FAM53A: variants seen among roughly 807,000 people sequenced by gnomAD.
FAM53A encodes the protein protein FAM53A.
A neutral mutation model predicts 26.6 loss-of-function variants in FAM53A; 28 were observed. The observed-to-expected ratio is 1.05, with a 90% confidence interval of 0.78 to 1.45. The LOEUF is 1.45. Ranked by LOEUF, FAM53A falls within the 40% of genes most tolerant of loss-of-function variation. The pLI is 0.00. For synonymous variants in FAM53A, 290 were observed against 253.1 expected, an observed-to-expected ratio of 1.15 and a Z score of -1.38; for missense variants, 650 against 575.8, an observed-to-expected ratio of 1.13 and a Z score of -1.32.
chr4:1,683,616 T>G (rs1234197342), intron 1 of FAM53A: 1 of 152,126 alleles, frequency 6.6e-6, no homozygotes, highest in African/African-American at 2.4e-5. Flanking sequence ...TGGTTTGAGT[T>G]TAAAACGAAA....
Position 1,655,265 on chromosome 4 carries a change from C to G in FAM53A, c.595G>C (p.Glu199Gln). ...SASGGFVDSS[E>Q]GSAGSGPLWC... ...AGCGGGCCTGAGCCCGCACTGCCCT[C>G]GCTGCTGTCCACGAAGCCGCCGCTG... The change falls in exon 4 of 5, where the codon GAG becomes CAG. Residue 199 changes from glutamate (E) to glutamine (Q), a missense_variant. By Grantham distance (29) the Glu-to-Gln change is conservative. Transcript: ENST00000308132. The G allele has an allele frequency of 6.9e-7, 1 of 1,440,264 alleles. No homozygotes were observed. Among genetic ancestry groups the G allele is most frequent in the Non-Finnish European group, 9.1e-7 (1 of 1,104,672 alleles). The allele number at this position is 1,440,264 out of a possible 1,614,324, so 89.2% of individuals were successfully genotyped here. A position where few individuals can be genotyped will look rare whatever the true frequency, so the allele number is the denominator to read the frequency against.
the FAM53A span, among the ~76,000 whole-genome samples, chr4:1,578,894 A>AGGGGGAGGGGAGAGAAGG: frequency 3.9e-5 from 1 of 25,880 alleles, no homozygotes; most frequent in African/African-American, 1.8e-4. Flanking sequence ...GGGAGAGAAG[A>AGGGGGAGGGGAGAGAAGG]GGGGGAGGGG....
At chr4:1,609,817 G>A in the FAM53A span, among the ~76,000 whole-genome samples, 2 of 152,070 alleles carry the variant, frequency 1.3e-5, 1 homozygote, top group Non-Finnish European at 2.9e-5. Context: ...ATAAAAATTA[G>A]CCAGGCATGG....
intron 1 of FAM53A, among the ~76,000 whole-genome samples, chr4:1,626,465 C>T (rs1011216477): frequency 6.6e-6 from 1 of 151,956 alleles, no homozygotes; most frequent in Non-Finnish European, 1.5e-5. Flanking sequence ...CCAGTGTAGA[C>T]TCTCAGCCAC....
At chr4:1,607,203 C>G in the FAM53A span, among the ~76,000 whole-genome samples, 1 of 151,998 alleles carries the variant, frequency 6.6e-6, no homozygotes, top group Non-Finnish European at 1.5e-5. Context: ...ATTTTTAGTA[C>G]AGACAGGGTT....
chr4:1,626,656 G>C (rs897689861), intron 1 of FAM53A, among the ~76,000 whole-genome samples: 8 of 152,038 alleles, frequency 5.3e-5, no homozygotes, highest in Non-Finnish European at 1.0e-4. Context: ...CCACGGCCAT[G>C]CCCTGAGCCC....
chr4:1,682,232 C>G (rs142624906), intron 1 of FAM53A, among the ~76,000 whole-genome samples: 6 of 151,670 alleles, frequency 4.0e-5, no homozygotes, highest in African/African-American at 1.5e-4. Flanking sequence ...GCAGAAAATG[C>G]CAAAAGAGTT....
the FAM53A span, among the ~76,000 whole-genome samples, chr4:1,581,401 A>T: frequency 6.6e-6 from 1 of 152,218 alleles, no homozygotes; most frequent in Non-Finnish European, 1.5e-5. Context: ...TTACAGAAGT[A>T]GAAGTTAAAG....
At chr4:1,681,694 G>A (rs1054683592) in intron 1 of FAM53A, among the ~76,000 whole-genome samples, 2 of 151,366 alleles carry the variant, frequency 1.3e-5, no homozygotes, top group Non-Finnish European at 2.9e-5. Context: ...TAGAAATGGG[G>A]GTCTCACTAT....
chr4:1,660,525 G>C (rs1299987381), intron 2 of FAM53A, among the ~76,000 whole-genome samples: 2 of 151,468 alleles, frequency 1.3e-5, no homozygotes, highest in African/African-American at 2.4e-5. Context: ...GGAGGCCAAG[G>C]CTGCAGCGAA....
At chr4:1,650,418 G>C (rs1712673813) in intron 4 of FAM53A, among the ~76,000 whole-genome samples, 1 of 151,290 alleles carries the variant, frequency 6.6e-6, no homozygotes, top group African/African-American at 2.4e-5. Flanking sequence ...GTTTGACTGT[G>C]AGGTGGCACA....
At chr4:1,627,701 G>A (rs372410807) in intron 1 of FAM53A, among the ~76,000 whole-genome samples, 2 of 152,162 alleles carry the variant, frequency 1.3e-5, no homozygotes, top group East Asian at 1.9e-4. Context: ...GAAGGGTGTC[G>A]GGGAGGAAGC....
intron 1 of FAM53A, among the ~76,000 whole-genome samples, chr4:1,677,118 G>C (rs1000003136): frequency 2.0e-5 from 3 of 152,174 alleles, no homozygotes; most frequent in Admixed American, 2.0e-4. Flanking sequence ...TCCTGAGAAG[G>C]GGGGCACGTG....
At chr4:1,581,826 C>G in the FAM53A span, among the ~76,000 whole-genome samples, 8 of 152,124 alleles carry the variant, frequency 5.3e-5, no homozygotes, top group Admixed American at 2.6e-4. Context: ...AACTCCTGAC[C>G]TCAGGTGATC....
the FAM53A span, among the ~76,000 whole-genome samples, chr4:1,592,832 C>G: frequency 6.6e-6 from 1 of 152,160 alleles, no homozygotes; most frequent in East Asian, 1.9e-4. Context: ...GCGCCGGGCA[C>G]CACGTCCCAC....
Position 1,641,623 on chromosome 4 carries a change from T to C in FAM53A, c.883-16A>G, listed in dbSNP as rs755287031. On this transcript the variant is annotated splice_polypyrimidine_tract_variant and intron_variant, in intron 4 of 4. Coordinates refer to ENST00000308132, the MANE Select transcript of FAM53A (RefSeq NM_001174070.3). ...TTTTTAAAGTCTGCAATAGAAAAGATACGGGCTTAAAGCATTTCTAGCAGA... is the reference window on the plus strand; with the variant it reads ...TTTTTAAAGTCTGCAATAGAAAAGACACGGGCTTAAAGCATTTCTAGCAGA... 6.2e-7 allele frequency: 1 copy of C among 1,613,656 alleles called. No homozygotes were observed. Among genetic ancestry groups the C allele is most frequent in the South Asian group, 1.1e-5 (1 of 91,004 alleles).
At chr4:1,657,381 T>C in intron 3 of FAM53A, 27 bp downstream of exon 3, 1 of 1,607,776 alleles carries the variant, frequency 6.2e-7, no homozygotes, top group Non-Finnish European at 8.5e-7. Flanking sequence ...TGCTCAGGCC[T>C]CCGGCCACAG....
In FAM53A at chr4:1,655,329, G is replaced by A. The variant is rs758716103; in HGVS notation, c.531C>T (p.Thr177=). 90 of 1,420,682 alleles carry A rather than the reference G, an allele frequency of 6.3e-5. No homozygotes were observed. The highest frequency in any genetic ancestry group is 2.0e-4 in the East Asian group (7 of 35,700). The allele number at this position is 1,420,682 out of a possible 1,614,324, so 88.0% of individuals were successfully genotyped here. The part of the protein sequence containing the change: ...AVLPRSAVWS[T]GPTSPATPRP... ...GGGGCGTGGCGGGCGAGGTGGGACCGGTCGACCACACAGCACTCCTCGGCA... is the reference window on the plus strand; with the variant it reads ...GGGGCGTGGCGGGCGAGGTGGGACCAGTCGACCACACAGCACTCCTCGGCA... The change falls in exon 4 of 5, where the codon ACC becomes ACT. Residue 177 remains threonine (T), a synonymous_variant. Coordinates refer to ENST00000308132, the MANE Select transcript of FAM53A (RefSeq NM_001174070.3).
chr4:1,634,617 G>A (rs1477096733), intron 1 of FAM53A, among the ~76,000 whole-genome samples: 1 of 152,138 alleles, frequency 6.6e-6, no homozygotes, highest in Non-Finnish European at 1.5e-5. Flanking sequence ...TCATCTGGGG[G>A]CCAGGCATGG....
Sources: allele counts gnomAD v4.1 joint callset (sites outside exome capture counted in the v4.1 genomes callset), GRCh38; gene constraint gnomAD v4.1.1; transcripts MANE v1.5; gene names NCBI Gene and HGNC (gene_info 2026-07-23, HGNC 2026-07-21).